Variants in ARMC3 observed in about 807,000 individuals in gnomAD.
The protein encoded by ARMC3 is armadillo repeat-containing protein 3.
ARMC3 carries 74 observed loss-of-function variants against 90.3 expected under a neutral mutation model. That is an observed-to-expected ratio of 0.82 (90% CI 0.68 to 0.99). The LOEUF (loss-of-function observed/expected upper bound fraction) is 0.99, where lower values mean the gene tolerates loss of function less well. Ranked by LOEUF, ARMC3 falls within the 50% of genes least tolerant of loss-of-function variation. The pLI is 0.00. For synonymous variants in ARMC3, 334 were observed against 361.8 expected (o/e 0.92, Z 0.87); for missense variants, 958 against 1,042.8 (o/e 0.92, Z 1.12).
Position 22,998,286 on chromosome 10 carries a change from C to T in ARMC3, c.1314C>T (p.His438=), listed in dbSNP as rs762217064. The T allele has an allele frequency of 4.3e-6, 7 of 1,612,354 alleles. No homozygotes were observed. The highest frequency in any genetic ancestry group is 1.7e-5 in the Admixed American group (1 of 59,782). Residue 438 remains histidine (H), a synonymous_variant, in exon 11 of 19, where the codon CAC becomes CAT. Coordinates refer to ENST00000298032, the MANE Select transcript of ARMC3 (RefSeq NM_173081.5). ...CCCTGCGCCTGAACATACAGAATCA[C>T]GACATCATGCATGCCATCATCAGCC... ...QEPLRLNIQN[H]DIMHAIISPL...
intron 10 of ARMC3, among the ~76,000 whole-genome samples, chr10:22,993,309 A>G (rs1357458063): frequency 6.6e-6 from 1 of 152,240 alleles, no homozygotes; most frequent in Non-Finnish European, 1.5e-5. Flanking sequence ...TCCCTTGATA[A>G]AAGAGAAGAA....
At chr10:22,930,934 TC>T (rs956200886) in intron 1 of ARMC3, among the ~76,000 whole-genome samples, 2 of 138,732 alleles carry the variant, frequency 1.4e-5, no homozygotes, top group East Asian at 2.4e-4. Context: ...TTGAAAAGTT[TC>T]TTTTTTTTTT....
intron 16 of ARMC3, among the ~76,000 whole-genome samples, chr10:23,018,548 G>A (rs191761168): frequency 1.1e-3 from 132 of 118,706 alleles, no homozygotes; most frequent in African/African-American, 4.0e-3. Flanking sequence ...ACGGAGTCTC[G>A]CACTGTCACC....
chr10:22,978,285 G>C (rs1311004116), intron 8 of ARMC3, among the ~76,000 whole-genome samples: 1 of 152,180 alleles, frequency 6.6e-6, no homozygotes, highest in Non-Finnish European at 1.5e-5. Context: ...GCTGGGGAAG[G>C]CCTCAGGAAA....
chr10:23,014,770 G>T (rs1838190713), intron 16 of ARMC3, among the ~76,000 whole-genome samples: 1 of 151,628 alleles, frequency 6.6e-6, no homozygotes, highest in Admixed American at 6.6e-5. Flanking sequence ...TGGACCCATA[G>T]AGGGGAACAA....
chr10:22,988,169 G>A (rs1242957156), intron 10 of ARMC3, among the ~76,000 whole-genome samples: 1 of 152,220 alleles, frequency 6.6e-6, no homozygotes, highest in Non-Finnish European at 1.5e-5. Context: ...TAGAAATAAA[G>A]CATTGACTAA....
chr10:22,937,035 C>T (rs115587940), intron 2 of ARMC3, among the ~76,000 whole-genome samples: 3,809 of 151,982 alleles, frequency 0.025, 174 homozygotes, highest in African/African-American at 0.087. Flanking sequence ...CTTGAGTAGC[C>T]GGGACTAAAG....
rs2131585740 is a variant in ARMC3 at position 23,037,858 on chromosome 10, T to G, written c.*379T>G. 6.0e-6 allele frequency: 1 copy of G among 165,788 alleles called. No homozygotes were observed. Among genetic ancestry groups the G allele is most frequent in the African/African-American group, 2.4e-5 (1 of 42,158 alleles). The allele number at this position is 165,788 out of a possible 1,614,324, so 10.3% of individuals were successfully genotyped here. A position where few individuals can be genotyped will look rare whatever the true frequency, so the allele number is the denominator to read the frequency against. On this transcript the variant is annotated 3_prime_UTR_variant, in exon 19 of 19. Coordinates refer to ENST00000298032, the MANE Select transcript of ARMC3 (RefSeq NM_173081.5). ...CTGTCATCTTTCATGCCCAGAATGCTTCAGGCATGCTCAGTTAAGCAAACT... is the reference window on the plus strand; with the variant it reads ...CTGTCATCTTTCATGCCCAGAATGCGTCAGGCATGCTCAGTTAAGCAAACT...
chr10:23,006,366 C>G (rs1194217885), intron 13 of ARMC3, among the ~76,000 whole-genome samples: 1 of 152,152 alleles, frequency 6.6e-6, no homozygotes, highest in African/African-American at 2.4e-5. Context: ...GCCTTCTTCC[C>G]AAAGGACCAT....
At chr10:22,955,961 A>G (rs1463203577) in intron 4 of ARMC3, 29 bp downstream of exon 4, 2 of 1,540,886 alleles carry the variant, frequency 1.3e-6, no homozygotes, top group African/African-American at 2.8e-5. Context: ...AAATAATCAA[A>G]TAATCCCATG....
At chr10:23,014,437 A>G (rs1447852045) in intron 16 of ARMC3, 5 of 1,093,256 alleles carry the variant, frequency 4.6e-6, no homozygotes, top group Non-Finnish European at 5.6e-6. Flanking sequence ...GACTATTAAA[A>G]CTTTGGACTC....
intron 16 of ARMC3, among the ~76,000 whole-genome samples, chr10:23,009,881 A>G (rs749145096): frequency 6.6e-6 from 1 of 152,154 alleles, no homozygotes; most frequent in African/African-American, 2.4e-5. Context: ...GTTATGGTAG[A>G]CTTAAGCCTG....
At chr10:22,934,741 A>C (rs1159709588) in intron 2 of ARMC3, among the ~76,000 whole-genome samples, 8 of 152,208 alleles carry the variant, frequency 5.3e-5, no homozygotes, top group Admixed American at 3.9e-4. Context: ...ACATCAGTGA[A>C]GGAAGGTTAG....
chr10:23,014,236 C>G (rs1838163978), intron 16 of ARMC3: 1 of 1,519,330 alleles, frequency 6.6e-7, no homozygotes, highest in South Asian at 1.2e-5. Flanking sequence ...AAATGATGAT[C>G]CCTGCCTCAA....
At position 23,032,861 on chromosome 10, in the gene ARMC3, G is replaced by A; in HGVS notation, c.2247G>A (p.Lys749=). The A allele has an allele frequency of 1.2e-6, 2 of 1,611,146 alleles. No homozygotes were observed. Among genetic ancestry groups the A allele is most frequent in the South Asian group, 2.2e-5 (2 of 90,856 alleles). The stretch of plus-strand genomic sequence containing the variant: ...TTTGATCTCAATGTAATTGACACAG[G>A]TATGTAGCAGAAAAAATGGGTGGTA... ...NIKEQIEDLA[K]YVAEKMGGKI... is the part of the protein sequence containing the mutation. The change falls in exon 18 of 19, where the codon AAG becomes AAA. Residue 749 remains lysine, a splice_region_variant and synonymous_variant. Transcript: ENST00000298032.
chr10:22,959,463 T>C lies in ARMC3; in HGVS notation c.426T>C (p.Ser142=). The part of the protein sequence containing the change: ...CLANMSAEYT[S]KVQIFEHGGL... ...CAAACATGTCTGCAGAGTACACCAG[T>C]AAAGTGCAAATATTTGAACATGGGG... Residue 142 remains serine (S), a synonymous_variant, in exon 6 of 19, where the codon AGT becomes AGC. Coordinates refer to ENST00000298032, the MANE Select transcript of ARMC3 (RefSeq NM_173081.5). 1 of 1,613,938 alleles carries C rather than the reference T, an allele frequency of 6.2e-7. No individual in the cohort carries two copies. The highest frequency in any genetic ancestry group is 8.5e-7 in the Non-Finnish European group (1 of 1,179,922).
intron 14 of ARMC3, 102 bp from the exon 15 acceptor site, chr10:23,008,174 C>A: frequency 1.7e-6 from 1 of 586,416 alleles, no homozygotes; most frequent in Non-Finnish European, 2.9e-6. Context: ...TAAAAGTCAG[C>A]TTCAGTTATG....
chr10:22,931,027 A>G (rs930657934), intron 1 of ARMC3, among the ~76,000 whole-genome samples: 4 of 152,068 alleles, frequency 2.6e-5, no homozygotes, highest in African/African-American at 9.7e-5. Context: ...TCCCGGGTTC[A>G]AGTGATTCTT....
In ARMC3 at chr10:23,003,207, T is replaced by A. The variant is rs374886564; in HGVS notation, c.1563-39T>A. On this transcript the variant is annotated intron_variant, in intron 12 of 18. Coordinates refer to ENST00000298032, the MANE Select transcript of ARMC3 (RefSeq NM_173081.5). Reference sequence around the variant, plus strand: ...AAGTGGAGACTCAGTATTGGATGGCTTGTATAAAGCAAATAATGCTTTTTG... The same window carrying A: ...AAGTGGAGACTCAGTATTGGATGGCATGTATAAAGCAAATAATGCTTTTTG... 3.5e-5 allele frequency: 55 copies of A among 1,581,782 alleles called. No homozygotes were observed. The African/African-American group carries it at 6.9e-4, about 20-fold the overall frequency.
Sources: gnomAD v4.1 joint callset for allele counts (sites outside exome capture counted in the v4.1 genomes callset) on GRCh38, gnomAD v4.1.1 for gene constraint, MANE v1.5 for transcripts, NCBI Gene and HGNC (gene_info 2026-07-23, HGNC 2026-07-21) for gene names.